NKAIN3: variants seen among roughly 807,000 people sequenced by gnomAD.
NKAIN3 encodes sodium/potassium-transporting ATPase subunit beta-1-interacting protein 3.
In NKAIN3, 25 loss-of-function variants were observed where a neutral mutation model predicts 30.2. That is an observed-to-expected ratio of 0.83 (90% CI 0.60 to 1.16). NKAIN3 has a LOEUF of 1.16. Ranked by LOEUF, NKAIN3 falls within the 50% of genes most tolerant of loss-of-function variation. NKAIN3 has a pLI of 0.00. For missense variants in NKAIN3, 225 were observed against 254.1 expected, an observed-to-expected ratio of 0.89 and a Z score of 0.78; for synonymous variants, 91 against 89.6, an observed-to-expected ratio of 1.02 and a Z score of -0.09.
intron 1 of NKAIN3, among the ~76,000 whole-genome samples, chr8:62,409,384 A>G (rs1804170856): frequency 6.6e-6 from 1 of 152,076 alleles, no homozygotes; most frequent in Admixed American, 6.5e-5. Context: ...GGGTTTCACC[A>G]TGTTGGTCAG....
intron 3 of NKAIN3, among the ~76,000 whole-genome samples, chr8:62,730,211 A>G (rs1394212291): frequency 2.0e-5 from 3 of 152,080 alleles, no homozygotes. Flanking sequence ...TTCATCTTCT[A>G]ACACAAAATA....
chr8:62,728,850 C>G (rs1241138530), intron 3 of NKAIN3, among the ~76,000 whole-genome samples: 2 of 149,896 alleles, frequency 1.3e-5, no homozygotes, highest in South Asian at 4.3e-4. Flanking sequence ...ATTAGCCAGG[C>G]GTGGTGGCGG....
chr8:62,792,893 G>T (rs1240502155), intron 4 of NKAIN3, among the ~76,000 whole-genome samples: 1 of 152,052 alleles, frequency 6.6e-6, no homozygotes, highest in Non-Finnish European at 1.5e-5. Flanking sequence ...GAAAAGTGGT[G>T]GAAGATAAGG....
chr8:62,571,480 G>A lies in NKAIN3; in HGVS notation c.55-8059G>A, dbSNP rs180976037. The stretch of plus-strand genomic sequence containing the variant: ...TTCCAGGCACACAGTGCAAGCTGTC[G>A]GTGGATCTACCATTCTGGGGTCTGG... On this transcript the variant is annotated intron_variant, in intron 1 of 6. Coordinates refer to ENST00000623646, the MANE Select transcript of NKAIN3 (RefSeq NM_001304533.3). Among the ~76,000 whole-genome samples, 570 of 152,162 alleles carry A rather than the reference G, an allele frequency of 3.7e-3. 5 individuals are homozygous for A. The highest frequency in any genetic ancestry group is 0.024 in the Middle Eastern group (7 of 294).
chr8:62,734,138 C>T (rs1339932612), intron 3 of NKAIN3, among the ~76,000 whole-genome samples: 1 of 152,070 alleles, frequency 6.6e-6, no homozygotes, highest in Non-Finnish European at 1.5e-5. Flanking sequence ...GAAAAATCAG[C>T]CAAGTGTGGT....
chr8:62,696,024 C>T (rs191532430), intron 3 of NKAIN3, among the ~76,000 whole-genome samples: 192 of 152,124 alleles, frequency 1.3e-3, no homozygotes, highest in Middle Eastern at 3.4e-3. Flanking sequence ...TATATAAAAA[C>T]GCAAAAATAA....
intron 1 of NKAIN3, among the ~76,000 whole-genome samples, chr8:62,335,696 CA>C (rs1345652988): frequency 1.3e-5 from 2 of 151,884 alleles, no homozygotes; most frequent in African/African-American, 4.8e-5. Context: ...TTCTAAAATC[CA>C]ACCAGATGCA....
At chr8:62,766,316 C>G (rs920828704) in intron 4 of NKAIN3, among the ~76,000 whole-genome samples, 1 of 152,114 alleles carries the variant, frequency 6.6e-6, no homozygotes, top group Non-Finnish European at 1.5e-5. Context: ...AATAAGAAAA[C>G]TAAGGCAAGA....
chr8:62,462,936 T>G (rs774845550), intron 1 of NKAIN3, among the ~76,000 whole-genome samples: 4 of 152,152 alleles, frequency 2.6e-5, no homozygotes, highest in Non-Finnish European at 5.9e-5. Flanking sequence ...GAACTTCTCT[T>G]CTGTTACTGA....
chr8:62,810,926 C>G (rs879888384), intron 4 of NKAIN3, among the ~76,000 whole-genome samples: 14 of 152,090 alleles, frequency 9.2e-5, no homozygotes, highest in Non-Finnish European at 1.6e-4. Flanking sequence ...ATAACTATAT[C>G]TTGCCGAACT....
intron 1 of NKAIN3, among the ~76,000 whole-genome samples, chr8:62,571,499 G>A (rs1809937993): frequency 6.6e-6 from 1 of 152,010 alleles, no homozygotes; most frequent in East Asian, 1.9e-4. Context: ...ACCATTCTGG[G>A]GTCTGGAGGA....
intron 1 of NKAIN3, among the ~76,000 whole-genome samples, chr8:62,339,811 G>A (rs1338389980): frequency 6.6e-6 from 1 of 152,018 alleles, no homozygotes; most frequent in Admixed American, 6.6e-5. Context: ...ATTTTATAAT[G>A]TAAGAACGGT....
chr8:62,532,518 A>G (rs1808520146), intron 1 of NKAIN3, among the ~76,000 whole-genome samples: 1 of 152,194 alleles, frequency 6.6e-6, no homozygotes, highest in Non-Finnish European at 1.5e-5. Context: ...AATCTCTTTA[A>G]GAATTGATGT....
chr8:62,354,445 T>C (rs888450074), intron 1 of NKAIN3, among the ~76,000 whole-genome samples: 1 of 152,174 alleles, frequency 6.6e-6, no homozygotes, highest in African/African-American at 2.4e-5. Context: ...TTCTTTTTTC[T>C]TTCTTTCTTT....
intron 5 of NKAIN3, among the ~76,000 whole-genome samples, chr8:62,935,641 T>C (rs960058372): frequency 1.3e-5 from 2 of 152,262 alleles, no homozygotes; most frequent in Middle Eastern, 3.4e-3. Flanking sequence ...AAAAGATCGA[T>C]ATACATAGAG....
At chr8:62,860,136 C>T (rs928675455) in intron 4 of NKAIN3, among the ~76,000 whole-genome samples, 6 of 152,002 alleles carry the variant, frequency 3.9e-5, no homozygotes, top group African/African-American at 1.2e-4. Flanking sequence ...TGTAGAGTAG[C>T]GACCTGAAAC....
chr8:62,542,210 T>C (rs1453460374), intron 1 of NKAIN3, among the ~76,000 whole-genome samples: 1 of 152,168 alleles, frequency 6.6e-6, no homozygotes, highest in Non-Finnish European at 1.5e-5. Context: ...TGTAACCCTC[T>C]AGCTTTCATT....
chr8:62,539,426 G>A (rs186505629), intron 1 of NKAIN3, among the ~76,000 whole-genome samples: 3 of 152,162 alleles, frequency 2.0e-5, no homozygotes, highest in Admixed American at 1.3e-4. Flanking sequence ...CTTTACTGCA[G>A]TGTGAAATTG....
intron 1 of NKAIN3, among the ~76,000 whole-genome samples, chr8:62,294,220 A>G (rs1813753314): frequency 6.6e-6 from 1 of 152,048 alleles, no homozygotes. Flanking sequence ...CATGGGCTGC[A>G]CCCACTGTCT....
Sources: allele counts gnomAD v4.1 joint callset (sites outside exome capture counted in the v4.1 genomes callset), GRCh38; gene constraint gnomAD v4.1.1; transcripts MANE v1.5; gene names NCBI Gene and HGNC (gene_info 2026-07-23, HGNC 2026-07-21).